Variants in DLG2 observed in about 807,000 individuals in gnomAD.
The protein encoded by DLG2 is discs large MAGUK scaffold protein 2.
DLG2 carries 45 observed loss-of-function variants against 132.5 expected under a neutral mutation model. The observed-to-expected ratio is 0.34, with a 90% CI of 0.27 to 0.44. DLG2 has a LOEUF of 0.44. DLG2 is among the 20% of genes least tolerant of loss of function. The pLI is 1.00. For synonymous variants in DLG2, 424 were observed against 419.6 expected (o/e 1.01, Z -0.13); for missense variants, 1,045 against 1,196.9 (o/e 0.87, Z 1.87).
At chr11:84,430,003 G>C (rs1288812654) in intron 7 of DLG2, among the ~76,000 whole-genome samples, 1 of 152,176 alleles carries the variant, frequency 6.6e-6, no homozygotes, top group Non-Finnish European at 1.5e-5. Context: ...ACTGAAGGTA[G>C]GTTTAAAGAA....
chr11:84,995,048 T>C (rs1320046388), intron 6 of DLG2, among the ~76,000 whole-genome samples: 1 of 152,166 alleles, frequency 6.6e-6, no homozygotes, highest in Non-Finnish European at 1.5e-5. Context: ...TGTGGTACCA[T>C]GTATTTGAGA....
intron 9 of DLG2, among the ~76,000 whole-genome samples, chr11:84,145,414 T>C (rs900169700): frequency 2.0e-5 from 3 of 152,192 alleles, no homozygotes; most frequent in African/African-American, 7.2e-5. Context: ...TACTGAATAT[T>C]ATAGACAATT....
intron 3 of DLG2, among the ~76,000 whole-genome samples, chr11:85,389,560 G>T (rs1002191835): frequency 3.3e-5 from 5 of 152,138 alleles, no homozygotes; most frequent in Non-Finnish European, 7.3e-5. Flanking sequence ...ACAGTCATCA[G>T]GTTATCTAAA....
intron 18 of DLG2, among the ~76,000 whole-genome samples, chr11:83,699,937 G>GCACA (rs140957816): frequency 0.044 from 6,301 of 142,276 alleles, 199 homozygotes; most frequent in African/African-American, 0.088. Flanking sequence ...CACCACACAT[G>GCACA]CACACACACA....
At chr11:84,399,282 G>C (rs1344125527) in intron 7 of DLG2, among the ~76,000 whole-genome samples, 1 of 151,774 alleles carries the variant, frequency 6.6e-6, no homozygotes, top group Non-Finnish European at 1.5e-5. Flanking sequence ...CCTCTTCAGG[G>C]GTCTCCTTTT....
chr11:83,469,468 G>A (rs747796627), intron 24 of DLG2, 95 bp from the exon 25 acceptor site: 1 of 885,440 alleles, frequency 1.1e-6, no homozygotes, highest in Non-Finnish European at 1.7e-6. Context: ...ACATTGATAT[G>A]TAGAAATATG....
chr11:85,154,555 C>G lies in DLG2; in HGVS notation c.282+1G>C, dbSNP rs1408541022. The G allele has an allele frequency of 7.1e-6, 10 of 1,413,946 alleles. No homozygotes were observed. The highest frequency in any genetic ancestry group is 1.3e-5 in the South Asian group (1 of 79,254). The allele number at this position is 1,413,946 out of a possible 1,614,324, so 87.6% of individuals were successfully genotyped here. A position where few individuals can be genotyped will look rare whatever the true frequency, so the allele number is the denominator to read the frequency against. On this transcript the variant is annotated splice_donor_variant, in intron 5 of 27. Coordinates refer to ENST00000376104, the MANE Select transcript of DLG2 (RefSeq NM_001142699.3). LOFTEE classifies it high-confidence loss of function. ...AGAAAAGAAAACAGTATAACACTTA[C>G]AGTTGTCGTCTCATCAGTTTCATTT... is the stretch of plus-strand genomic sequence containing the variant.
intron 15 of DLG2, among the ~76,000 whole-genome samples, chr11:83,924,731 T>C (rs546766155): frequency 3.9e-5 from 6 of 152,226 alleles, no homozygotes; most frequent in African/African-American, 7.2e-5. Flanking sequence ...TGGCATATGA[T>C]TGAGGTCTTA....
intron 3 of DLG2, among the ~76,000 whole-genome samples, chr11:85,333,239 C>T (rs1437672732): frequency 6.6e-6 from 1 of 152,040 alleles, no homozygotes; most frequent in Non-Finnish European, 1.5e-5. Flanking sequence ...TGGCTCTCAG[C>T]TTAGATGATA....
At chr11:85,037,342 CAA>C (rs150293695) in intron 6 of DLG2, among the ~76,000 whole-genome samples, 1,673 of 152,242 alleles carry the variant, frequency 0.011, 32 homozygotes, top group African/African-American at 0.038. Flanking sequence ...AGCAAAACTT[CAA>C]ATTTCTCTGA....
chr11:84,444,871 C>T (rs1021229595), intron 7 of DLG2, among the ~76,000 whole-genome samples: 1 of 151,166 alleles, frequency 6.6e-6, no homozygotes, highest in Non-Finnish European at 1.5e-5. Context: ...ATGGCAATCT[C>T]GGCTCACTGC....
At chr11:85,471,155 G>A (rs983720950) in intron 3 of DLG2, among the ~76,000 whole-genome samples, 3 of 152,164 alleles carry the variant, frequency 2.0e-5, no homozygotes, top group Admixed American at 6.5e-5. Context: ...GGTACATGTA[G>A]AATGACTTAG....
chr11:85,114,826 T>C (rs1435902993), intron 5 of DLG2, among the ~76,000 whole-genome samples: 1 of 151,622 alleles, frequency 6.6e-6, no homozygotes, highest in Non-Finnish European at 1.5e-5. Context: ...TCCAAAAACA[T>C]GGGAATATTT....
At position 85,160,633 on chromosome 11, in the gene DLG2, T is replaced by C. The variant is rs117214796; in HGVS notation, c.187-5982A>G. Among the ~76,000 whole-genome samples the C allele has an allele frequency of 6.2e-3, 951 of 152,264 alleles. 5 individuals carry two copies. The highest frequency in any genetic ancestry group is 0.011 in the Non-Finnish European group (716 of 68,008). On this transcript the variant is annotated intron_variant, in intron 4 of 27. Coordinates refer to ENST00000376104, the MANE Select transcript of DLG2 (RefSeq NM_001142699.3). ...TCCATCAGCAAATGGAAGTGGTATA[T>C]ACATGATTGAGCTCAAGGATGTCTT...
At chr11:85,555,662 G>C (rs2076902777) in intron 3 of DLG2, among the ~76,000 whole-genome samples, 1 of 151,812 alleles carries the variant, frequency 6.6e-6, no homozygotes, top group South Asian at 2.1e-4. Flanking sequence ...TTAACCACTG[G>C]AGAAGAGACT....
intron 3 of DLG2, among the ~76,000 whole-genome samples, chr11:85,560,490 ACATATTCT>A (rs2077177830): frequency 6.6e-6 from 1 of 151,872 alleles, no homozygotes. Context: ...ATGAAAGATA[ACATATTCT>A]AAGATTCAAC....
chr11:84,711,876 T>C (rs1206179563), intron 6 of DLG2, among the ~76,000 whole-genome samples: 2 of 151,980 alleles, frequency 1.3e-5, no homozygotes, highest in African/African-American at 2.4e-5. Context: ...AACCACCACA[T>C]CAAGGTACCA....
chr11:83,883,675 C>T (rs181344534), intron 15 of DLG2, among the ~76,000 whole-genome samples: 9 of 152,218 alleles, frequency 5.9e-5, no homozygotes, highest in South Asian at 4.1e-4. Context: ...TTTAACACAG[C>T]GGGCATATTC....
chr11:84,279,608 C>T (rs1278449992), intron 7 of DLG2, among the ~76,000 whole-genome samples: 2 of 152,158 alleles, frequency 1.3e-5, no homozygotes, highest in South Asian at 2.1e-4. Context: ...CACATATACA[C>T]CATGGAATAC....
Sources: allele counts gnomAD v4.1 joint callset (sites outside exome capture counted in the v4.1 genomes callset), GRCh38; gene constraint gnomAD v4.1.1; transcripts MANE v1.5; gene names NCBI Gene and HGNC (gene_info 2026-07-23, HGNC 2026-07-21).